Variants in BACH1 observed in about 807,000 individuals in gnomAD.
BACH1 encodes BTB domain and CNC homolog 1.
In BACH1, 35 loss-of-function variants were observed where a neutral mutation model predicts 52.9. The observed-to-expected ratio is 0.66, with a 90% CI of 0.51 to 0.88. BACH1 has a LOEUF of 0.88. BACH1 is among the 40% of genes least tolerant of loss of function. The pLI is 0.00. For missense variants in BACH1, 808 were observed against 872.6 expected (o/e 0.93, Z 0.93); for synonymous variants, 321 against 319.6 (o/e 1.00, Z -0.05).
chr21:29,301,553 A>G (rs1247282100), intron 1 of BACH1, among the ~76,000 whole-genome samples: 1 of 152,112 alleles, frequency 6.6e-6, no homozygotes, highest in Non-Finnish European at 1.5e-5. Flanking sequence ...TTCTTGTTAC[A>G]TTGTTGATAC....
downstream of BACH1, among the ~76,000 whole-genome samples, chr21:29,349,736 C>T (rs916480147): frequency 2.6e-5 from 4 of 152,182 alleles, no homozygotes; most frequent in African/African-American, 9.7e-5. Context: ...CCTTTGGGTG[C>T]ACCAGGTACC....
chr21:29,306,096 CAATTTGAGAAGCTTAGCTGTGA>C (rs1465703124), intron 1 of BACH1, among the ~76,000 whole-genome samples: 2 of 151,496 alleles, frequency 1.3e-5, no homozygotes, highest in African/African-American at 4.9e-5. Flanking sequence ...TGTATCAACT[CAATTTGAGAAGCTTAGCTGTGA>C]ATAAGAGGAG....
intron 1 of BACH1, among the ~76,000 whole-genome samples, chr21:29,317,049 T>C (rs1375426328): frequency 6.6e-6 from 1 of 152,224 alleles, no homozygotes; most frequent in Admixed American, 6.5e-5. Flanking sequence ...CTGCTTGAGC[T>C]CCACCTCCTG....
At chr21:29,360,599 C>A (rs1357775563) in intron 2 of BACH1, among the ~76,000 whole-genome samples, 1 of 152,128 alleles carries the variant, frequency 6.6e-6, no homozygotes, top group Non-Finnish European at 1.5e-5. Flanking sequence ...AATCCCAGCA[C>A]TTTGGGAGGC....
rs77306698 is a variant in BACH1, at chr21:29,338,976, T to G, written c.1777-3423T>G. On this transcript the variant is annotated intron_variant, in intron 4 of 4. Coordinates refer to ENST00000286800, the MANE Select transcript of BACH1 (RefSeq NM_001186.4). ...TTGATTTATAGGAAATATTTTTTCT[T>G]AGTTCAGAGAGGTTGTCATTCGTTT... Among the ~76,000 whole-genome samples, 561 of 152,344 alleles carry G rather than the reference T, an allele frequency of 3.7e-3. 4 individuals are homozygous for G. Among genetic ancestry groups the G allele is most frequent in the African/African-American group, 0.013 (533 of 41,572 alleles).
chr21:29,353,641 T>C (rs189279314), intron 2 of BACH1, among the ~76,000 whole-genome samples: 26 of 152,202 alleles, frequency 1.7e-4, no homozygotes, highest in Non-Finnish European at 3.4e-4. Context: ...TTGGAGAAGA[T>C]AGAGAATTTT....
At chr21:29,330,953 G>A (rs1441373237) in intron 4 of BACH1, among the ~76,000 whole-genome samples, 1 of 150,272 alleles carries the variant, frequency 6.7e-6, no homozygotes, top group Non-Finnish European at 1.5e-5. Flanking sequence ...CATGAGAGAT[G>A]TTAAAAAAAA....
chr21:29,358,711 G>T (rs1476711097), intron 2 of BACH1, among the ~76,000 whole-genome samples: 1 of 150,634 alleles, frequency 6.6e-6, no homozygotes, highest in Non-Finnish European at 1.5e-5. Context: ...CTGCATTCCA[G>T]CCTGGGTGAC....
In BACH1 at chr21:29,360,862, C is replaced by A. The variant is rs200346845; in HGVS notation, c.472+31169C>A. On this transcript the variant is annotated intron_variant, in intron 2 of 4. Transcript: ENST00000422809. ...CCCTGTCTCAAAAAAAAAAAAAAAACAAAAAAAAACCCCACATGCTTCCTC... is the reference window on the plus strand; with the variant it reads ...CCCTGTCTCAAAAAAAAAAAAAAAAAAAAAAAAAACCCCACATGCTTCCTC... Among the ~76,000 whole-genome samples the A allele has an allele frequency of 2.3e-3, 324 of 137,966 alleles. 2 individuals are homozygous for A. Among genetic ancestry groups the A allele is most frequent in the African/African-American group, 6.1e-3 (228 of 37,550 alleles). The allele number at this position is 137,966 out of a possible 152,430, so 90.5% of individuals were successfully genotyped here.
chr21:29,337,347 A>G (rs1018806593), intron 4 of BACH1, among the ~76,000 whole-genome samples: 1 of 152,248 alleles, frequency 6.6e-6, no homozygotes, highest in African/African-American at 2.4e-5. Flanking sequence ...TGTGTATAAA[A>G]TAAAGTTCAT....
Position 29,329,454 on chromosome 21 carries a change from G to A in BACH1, c.1570-33G>A, listed in dbSNP as rs1282713026. 3.5e-6 allele frequency: 5 copies of A among 1,440,630 alleles called. No homozygotes were observed. In the East Asian group the frequency reaches 7.5e-5, roughly 22 times the overall value. The allele number at this position is 1,440,630 out of a possible 1,614,324, so 89.2% of individuals were successfully genotyped here. A position where few individuals can be genotyped will look rare whatever the true frequency, so the allele number is the denominator to read the frequency against. On this transcript the variant is annotated intron_variant, in intron 3 of 4. Transcript: ENST00000286800. ...GGTTTGACTATAATTATAAAATACA[G>A]CAATAATTAGTAATATTTATTTCAT...
rs548975834 is a variant in BACH1 at position 29,328,187 on chromosome 21, G to T, written c.1569+794G>T. Among the ~76,000 whole-genome samples the T allele has an allele frequency of 4.6e-5, 7 of 152,292 alleles. 1 individual carries two copies. The highest frequency in any genetic ancestry group is 1.7e-4 in the African/African-American group (7 of 41,554). Reference sequence around the variant, plus strand: ...TTGGATCTAGTTTTTCATGGCCATTGATTTTTAAATTTTCCTTTGGCCATT... The same window carrying T: ...TTGGATCTAGTTTTTCATGGCCATTTATTTTTAAATTTTCCTTTGGCCATT... On this transcript the variant is annotated intron_variant, in intron 3 of 4. Transcript: ENST00000286800.
At chr21:29,359,531 C>T (rs1254055242) in intron 2 of BACH1, 2 of 150,572 alleles carry the variant, frequency 1.3e-5, no homozygotes, top group Non-Finnish European at 2.9e-5. Context: ...ACCACCACCA[C>T]GATTATAAAA....
At chr21:29,332,700 G>A (rs960000597) in intron 4 of BACH1, among the ~76,000 whole-genome samples, 1 of 152,154 alleles carries the variant, frequency 6.6e-6, no homozygotes, top group Non-Finnish European at 1.5e-5. Flanking sequence ...GGGTGGCTGT[G>A]GCACAATGCC....
intron 1 of BACH1, among the ~76,000 whole-genome samples, chr21:29,310,125 T>C (rs1250035160): frequency 6.6e-6 from 1 of 152,216 alleles, no homozygotes; most frequent in Non-Finnish European, 1.5e-5. Flanking sequence ...CATCAACTTA[T>C]CATGTAGTGA....
chr21:29,321,153 C>T (rs563072943), intron 1 of BACH1, 68 bp from the exon 2 acceptor site: 1 of 804,662 alleles, frequency 1.2e-6, no homozygotes, highest in South Asian at 1.7e-5. Flanking sequence ...TGTATCTTAG[C>T]CTGTATTTGA....
At chr21:29,342,182 C>T (rs900661692) in intron 4 of BACH1, among the ~76,000 whole-genome samples, 2 of 152,186 alleles carry the variant, frequency 1.3e-5, no homozygotes, top group Non-Finnish European at 2.9e-5. Flanking sequence ...CTTTCCAAAA[C>T]CTGAAAAATG....
intron 4 of BACH1, among the ~76,000 whole-genome samples, chr21:29,337,752 G>A (rs1010208487): frequency 6.6e-6 from 1 of 152,152 alleles, no homozygotes; most frequent in East Asian, 1.9e-4. Flanking sequence ...AATGTGCCGG[G>A]TGCGGTGGCT....
At chr21:29,334,378 G>T (rs950557230) in intron 4 of BACH1, among the ~76,000 whole-genome samples, 1 of 152,166 alleles carries the variant, frequency 6.6e-6, no homozygotes, top group African/African-American at 2.4e-5. Flanking sequence ...GATTATAGGC[G>T]TGAGCCACTG....
Sources: gnomAD v4.1 joint callset for allele counts (sites outside exome capture counted in the v4.1 genomes callset) on GRCh38, gnomAD v4.1.1 for gene constraint, MANE v1.5 for transcripts, NCBI Gene and HGNC (gene_info 2026-07-23, HGNC 2026-07-21) for gene names.